The following PCDHGA7 variants were observed in gnomAD, a reference collection of about 807,000 sequenced individuals.
PCDHGA7 encodes the protein protocadherin gamma subfamily A, 7.
In PCDHGA7, 44 loss-of-function variants were observed where a neutral mutation model predicts 58.3. That is an observed-to-expected ratio of 0.75 (90% confidence interval 0.59 to 0.97). The LOEUF (loss-of-function observed/expected upper bound fraction) is 0.97, where lower values mean the gene tolerates loss of function less well. PCDHGA7 is among the 50% of genes least tolerant of loss of function. The pLI is 0.00. For synonymous variants in PCDHGA7, 516 were observed against 504.2 expected, an observed-to-expected ratio of 1.02 and a Z score of -0.31; for missense variants, 1,266 against 1,188.7, an observed-to-expected ratio of 1.06 and a Z score of -0.96.
chr5:141,421,535 G>A, intron 1 of PCDHGA7: 7 of 1,614,032 alleles, frequency 4.3e-6, no homozygotes, highest in East Asian at 2.2e-5. Flanking sequence ...GTGTCCTCCT[G>A]TTTTTTAAAT....
chr5:141,426,375 G>A, intron 1 of PCDHGA7: 2 of 216,424 alleles, frequency 9.2e-6, no homozygotes, highest in South Asian at 7.8e-5. Flanking sequence ...GGGCACCCTC[G>A]GAGCAGATCC....
intron 1 of PCDHGA7, among the ~76,000 whole-genome samples, chr5:141,459,546 C>T (rs575349914): frequency 9.9e-5 from 15 of 152,102 alleles, no homozygotes; most frequent in African/African-American, 3.6e-4. Flanking sequence ...TTTTTTATTT[C>T]TCTTGGATAA....
chr5:141,409,571 T>TACGTGGTCC (rs2095286242), intron 1 of PCDHGA7: 2 of 1,613,932 alleles, frequency 1.2e-6, no homozygotes, highest in East Asian at 4.5e-5. Context: ...CCAGACGTCC[T>TACGTGGTCC]ACGTGGTCCA....
At chr5:141,435,421 C>T (rs1384040447) in intron 1 of PCDHGA7, among the ~76,000 whole-genome samples, 2 of 152,096 alleles carry the variant, frequency 1.3e-5, no homozygotes, top group Non-Finnish European at 2.9e-5. Context: ...CTATTTTTCA[C>T]TTCTGTTATG....
intron 1 of PCDHGA7, chr5:141,405,325 G>A: frequency 5.6e-6 from 9 of 1,614,170 alleles, no homozygotes; most frequent in African/African-American, 1.3e-5. Context: ...ATGAGCCTTT[G>A]TGCGTCTCTG....
At chr5:141,433,353 G>C (rs2097584366) in intron 1 of PCDHGA7, 4 of 603,272 alleles carry the variant, frequency 6.6e-6, no homozygotes, top group South Asian at 6.2e-5. Context: ...GCCACCTACT[G>C]TCTGCCTATC....
chr5:141,425,881 A>T (rs911454948), intron 1 of PCDHGA7, among the ~76,000 whole-genome samples: 1 of 152,230 alleles, frequency 6.6e-6, no homozygotes, highest in Non-Finnish European at 1.5e-5. Flanking sequence ...TCTCTAAGGA[A>T]TCTTCTTTGG....
In PCDHGA7 at chr5:141,432,293, G is replaced by C. The variant is rs765631138; in HGVS notation, c.2424+46970G>C. Reference sequence around the variant, plus strand: ...CTACGTGTCCATCAACTCCGACACTGGGGTACTGTATGCGCTGAGCTCCTT... The same window carrying C: ...CTACGTGTCCATCAACTCCGACACTCGGGTACTGTATGCGCTGAGCTCCTT... On this transcript the variant is annotated intron_variant, in intron 1 of 3. Coordinates refer to ENST00000518325, the MANE Select transcript of PCDHGA7 (RefSeq NM_018920.4). This position sits in a 1 kb window ranked among gnomAD's most constrained non-coding sequence, Gnocchi z 6.0. 6.2e-7 allele frequency: 1 copy of C among 1,614,254 alleles called. No individual in the cohort carries two copies.
chr5:141,431,016 C>T lies in PCDHGA7; in HGVS notation c.2424+45693C>T, dbSNP rs755015257. Reference sequence around the variant, plus strand: ...AATCCGCGCAGCGGCAGCTTGGTCACGGCGGGCAGGATAGACCGGGAGGAG... The same window carrying T: ...AATCCGCGCAGCGGCAGCTTGGTCATGGCGGGCAGGATAGACCGGGAGGAG... On this transcript the variant is annotated intron_variant, in intron 1 of 3. Transcript: ENST00000518325. This position sits in a 1 kb window ranked among gnomAD's most constrained non-coding sequence, Gnocchi z 4.8. 3 of 1,613,456 alleles carry T rather than the reference C, an allele frequency of 1.9e-6. No individual in the cohort carries two copies. The highest frequency in any genetic ancestry group is 2.2e-5 in the South Asian group (2 of 91,058).
chr5:141,423,497 AG>A (rs1269176785), intron 1 of PCDHGA7: 1 of 1,613,940 alleles, frequency 6.2e-7, no homozygotes, highest in Non-Finnish European at 8.5e-7. Flanking sequence ...TATTCCCACG[AG>A]GTCTCTCTCA....
Position 141,383,234 on chromosome 5 carries a change from A to G in PCDHGA7, c.335A>G (p.Asp112Gly). The change falls in exon 1 of 4, where the codon GAT (aspartate) becomes GGT (glycine). Residue 112 changes from aspartate (D) to glycine (G), a missense_variant. Physicochemically the swap from Asp to Gly is moderately conservative, Grantham distance 94. Coordinates refer to ENST00000518325, the MANE Select transcript of PCDHGA7 (RefSeq NM_018920.4). Reference protein sequence around the residue: ...CLVNFNILMEDKMNLYPIDVE... With the variant: ...CLVNFNILMEGKMNLYPIDVE... ...GTAAACTTTAACATCCTGATGGAAG[A>G]TAAAATGAATCTTTACCCTATAGAC... 2 of 1,613,960 alleles carry G rather than the reference A, an allele frequency of 1.2e-6. No individual in the cohort carries two copies. The highest frequency in any genetic ancestry group is 1.7e-6 in the Non-Finnish European group (2 of 1,179,858).
intron 1 of PCDHGA7, chr5:141,394,133 G>T: frequency 6.2e-7 from 1 of 1,613,920 alleles, no homozygotes; most frequent in Non-Finnish European, 8.5e-7. Flanking sequence ...AAATCGCTCT[G>T]CACGTGGCAG....
chr5:141,399,753 G>A (rs1418820057), intron 1 of PCDHGA7: 6 of 1,613,252 alleles, frequency 3.7e-6, no homozygotes, highest in Middle Eastern at 1.7e-4. Flanking sequence ...GCGCAAACGT[G>A]AGCCTGCGCG....
At chr5:141,388,579 T>A (rs113550354) in intron 1 of PCDHGA7, 7 of 1,613,908 alleles carry the variant, frequency 4.3e-6, no homozygotes, top group Non-Finnish European at 5.1e-6. Flanking sequence ...CACGTTCTAG[T>A]GACTGATGCC....
At chr5:141,419,022 G>A in intron 1 of PCDHGA7, 1 of 1,613,960 alleles carries the variant, frequency 6.2e-7, no homozygotes, top group Non-Finnish European at 8.5e-7. Flanking sequence ...AGCTTAAGTA[G>A]AGGTGTTCCA....
intron 1 of PCDHGA7, chr5:141,391,629 T>C (rs1048656119): frequency 6.6e-6 from 1 of 152,234 alleles, no homozygotes; most frequent in African/African-American, 2.4e-5. Flanking sequence ...AAGAAAGTTT[T>C]AGTCAGTGAA....
intron 1 of PCDHGA7, chr5:141,404,701 G>C (rs563319884): frequency 1.2e-6 from 2 of 1,613,956 alleles, no homozygotes; most frequent in Non-Finnish European, 1.7e-6. Context: ...GCTCTGCAGA[G>C]CCTGGCTACC....
At chr5:141,405,074 G>A (rs536930748) in intron 1 of PCDHGA7, 7 of 1,613,794 alleles carry the variant, frequency 4.3e-6, no homozygotes, top group Non-Finnish European at 5.1e-6. Context: ...CCTCACCTTC[G>A]TTATCACGCT....
intron 1 of PCDHGA7, chr5:141,478,312 C>T (rs768312280): frequency 8.1e-6 from 13 of 1,614,002 alleles, no homozygotes; most frequent in East Asian, 2.2e-5. Flanking sequence ...CCCCGGTGAG[C>T]TCACTGTACC....
Sources: allele counts gnomAD v4.1 joint callset (sites outside exome capture counted in the v4.1 genomes callset), GRCh38; gene constraint gnomAD v4.1.1; non-coding constraint Gnocchi (gnomAD v3.1); transcripts MANE v1.5; gene names NCBI Gene and HGNC (gene_info 2026-07-23, HGNC 2026-07-21).